The following TTC21B variants were observed in gnomAD, a reference collection of about 807,000 sequenced individuals.
The protein encoded by TTC21B is tetratricopeptide repeat protein 21B.
Under a neutral mutation model 175.1 loss-of-function variants are expected in TTC21B, and 127 were observed. The observed-to-expected ratio is 0.73, with a 90% CI of 0.63 to 0.84. The LOEUF is 0.84. Ranked by LOEUF, TTC21B falls within the 40% of genes least tolerant of loss-of-function variation. The pLI, the probability that TTC21B is intolerant of heterozygous loss-of-function variation, is 0.00. For synonymous variants in TTC21B, 524 were observed against 524.5 expected, an observed-to-expected ratio of 1.00 and a Z score of 0.01; for missense variants, 1,561 against 1,558.3, an observed-to-expected ratio of 1.00 and a Z score of -0.03.
intron 12 of TTC21B, among the ~76,000 whole-genome samples, chr2:165,922,737 C>T (rs1686463341): frequency 6.6e-6 from 1 of 152,050 alleles, no homozygotes; most frequent in South Asian, 2.1e-4. Context: ...TACTAGATAT[C>T]TACCCAAAGG....
At position 165,878,242 on chromosome 2, in the gene TTC21B, T is replaced by C. The variant is rs138668824; in HGVS notation, c.3806-2010A>G. On this transcript the variant is annotated intron_variant, in intron 27 of 28. Coordinates refer to ENST00000243344, the MANE Select transcript of TTC21B (RefSeq NM_024753.5). ...GGAAGAAACTTGATACATGACCTGG[T>C]ACAAAAATTTCAGAGGAAATAAAGA... is the stretch of plus-strand genomic sequence containing the variant. Among the ~76,000 whole-genome samples, 984 of 152,274 alleles carry C rather than the reference T, an allele frequency of 6.5e-3. 11 individuals are homozygous for C. Among genetic ancestry groups the C allele is most frequent in the African/African-American group, 0.023 (942 of 41,560 alleles).
intron 1 of TTC21B, among the ~76,000 whole-genome samples, chr2:165,953,087 C>A (rs997588125): frequency 6.6e-6 from 1 of 152,170 alleles, no homozygotes; most frequent in Non-Finnish European, 1.5e-5. Context: ...ATTCAGTGAA[C>A]AAATGAATAG....
intron 21 of TTC21B, among the ~76,000 whole-genome samples, chr2:165,899,410 A>T (rs192973564): frequency 1.2e-3 from 179 of 152,294 alleles, no homozygotes; most frequent in African/African-American, 4.0e-3. Context: ...TGTAACTCCA[A>T]AAATTCCACC....
chr2:165,904,563 CA>C (rs1321261848), intron 19 of TTC21B, among the ~76,000 whole-genome samples: 1 of 152,170 alleles, frequency 6.6e-6, no homozygotes, highest in African/African-American at 2.4e-5. Context: ...GGAATCTAGT[CA>C]AAAGGTGACT....
chr2:165,880,561 A>G, intron 27 of TTC21B, 118 bp downstream of exon 27: 1 of 1,065,694 alleles, frequency 9.4e-7, no homozygotes, highest in Non-Finnish European at 1.4e-6. Flanking sequence ...AGAAAGGTTG[A>G]CAATGAAAAT....
chr2:165,917,369 T>C lies in TTC21B; in HGVS notation c.1787A>G (p.Lys596Arg). Reference protein sequence around the residue: ...LHMAMSLPGMKRIGASTKSKD... With the variant: ...LHMAMSLPGMRRIGASTKSKD... Reference sequence around the variant, plus strand: ...TGATTTTGTGGAAGCTCCAATTCTTTTCATTCCTGGTAAACTCATTGCCAT... The same window carrying C: ...TGATTTTGTGGAAGCTCCAATTCTTCTCATTCCTGGTAAACTCATTGCCAT... Residue 596 changes from lysine (K) to arginine (R), a missense_variant, in exon 14 of 29, where the codon AAA (lysine) becomes AGA (arginine). Physicochemically the swap from Lys to Arg is conservative, Grantham distance 26. Coordinates refer to ENST00000243344, the MANE Select transcript of TTC21B (RefSeq NM_024753.5). 1 of 1,614,170 alleles carries C rather than the reference T, an allele frequency of 6.2e-7. No homozygotes were observed. Among genetic ancestry groups the C allele is most frequent in the Non-Finnish European group, 8.5e-7 (1 of 1,180,022 alleles).
chr2:165,880,327 G>A (rs1684798634), intron 27 of TTC21B, among the ~76,000 whole-genome samples: 1 of 152,166 alleles, frequency 6.6e-6, no homozygotes, highest in African/African-American at 2.4e-5. Flanking sequence ...AAAGAAACCT[G>A]TGTAATTCAA....
rs764567509 is a variant in TTC21B, at chr2:165,915,411, G to T, written c.1928C>A (p.Ala643Asp). The T allele has an allele frequency of 6.2e-7, 1 of 1,614,008 alleles. No individual in the cohort carries two copies. The highest frequency in any genetic ancestry group is 1.7e-5 in the Admixed American group (1 of 60,014). The change falls in exon 15 of 29, where the codon GCC becomes GAC. Residue 643 changes from alanine to aspartate, a missense_variant. By Grantham distance (126) the Ala-to-Asp change is moderately radical (BLOSUM62 -2). Transcript: ENST00000243344. ...AGATGTTCCAGAAAATTCATGGATG[G>T]CATCTTGTAAAACTTTGGTTGCCTC... is the stretch of plus-strand genomic sequence containing the variant. ...QHEATKVLQD[A>D]IHEFSGTSEE...
At chr2:165,888,068 T>A (rs1685067651) in intron 25 of TTC21B, among the ~76,000 whole-genome samples, 1 of 152,148 alleles carries the variant, frequency 6.6e-6, no homozygotes, top group Non-Finnish European at 1.5e-5. Flanking sequence ...AACATTCCAG[T>A]AGAGAGAAAT....
chr2:165,906,711 G>A (rs1219481921), intron 19 of TTC21B, among the ~76,000 whole-genome samples: 4 of 152,036 alleles, frequency 2.6e-5, no homozygotes, highest in African/African-American at 4.8e-5. Flanking sequence ...TTGGAAGGCC[G>A]TGGCAGGGGG....
intron 7 of TTC21B, 46 bp downstream of exon 7, chr2:165,932,927 A>T: frequency 6.6e-7 from 1 of 1,513,594 alleles, no homozygotes; most frequent in African/African-American, 1.4e-5. Flanking sequence ...GTGTAATGAA[A>T]TATATTTTTT....
chr2:165,913,812 C>T (rs1686046223), intron 15 of TTC21B, among the ~76,000 whole-genome samples, 166 bp from the exon 16 acceptor site: 1 of 152,172 alleles, frequency 6.6e-6, no homozygotes, highest in South Asian at 2.1e-4. Flanking sequence ...CATACCCACA[C>T]CCAAATTGTT....
At chr2:165,926,068 C>T (rs368592296) in intron 11 of TTC21B, among the ~76,000 whole-genome samples, 13 of 152,106 alleles carry the variant, frequency 8.5e-5, no homozygotes, top group Admixed American at 7.9e-4. Flanking sequence ...GTCTATAAAA[C>T]GGTCAAAGAA....
Position 165,874,765 on chromosome 2 carries a change from A to C in TTC21B, c.3941T>G (p.Leu1314Ter). ...AAGTTAAAATTATTTTCAAGGTCTT[A>C]AAGACGCACGGGCCTTATCAAGTAT... ...KDILDKARAS[L>*]RP Residue 1314 changes from leucine to a stop codon, truncating the protein, a stop_gained, in exon 29 of 29, where the codon TTA becomes TGA. Transcript: ENST00000243344. LOFTEE classifies it high-confidence loss of function. 6.2e-7 allele frequency: 1 copy of C among 1,613,556 alleles called. No individual in the cohort carries two copies. Among genetic ancestry groups the C allele is most frequent in the Non-Finnish European group, 8.5e-7 (1 of 1,179,614 alleles).
intron 12 of TTC21B, among the ~76,000 whole-genome samples, chr2:165,923,377 A>C (rs1686492422): frequency 6.6e-6 from 1 of 152,102 alleles, no homozygotes; most frequent in African/African-American, 2.4e-5. Flanking sequence ...CAGTTTTACA[A>C]ACGTTATTTA....
intron 27 of TTC21B, among the ~76,000 whole-genome samples, chr2:165,878,451 G>A (rs1241096206): frequency 6.6e-6 from 1 of 152,022 alleles, no homozygotes; most frequent in Non-Finnish European, 1.5e-5. Flanking sequence ...TTCTCTCATT[G>A]GATCTCAGTT....
At chr2:165,891,987 GTTTTGAT>G (rs1685211441) in intron 22 of TTC21B, among the ~76,000 whole-genome samples, 1 of 152,002 alleles carries the variant, frequency 6.6e-6, no homozygotes, top group Non-Finnish European at 1.5e-5. Context: ...ATTTTGATCG[GTTTTGAT>G]TGGTTTTAAT....
intron 19 of TTC21B, among the ~76,000 whole-genome samples, chr2:165,905,431 T>C (rs888702398): frequency 9.2e-5 from 14 of 151,950 alleles, no homozygotes; most frequent in Admixed American, 9.2e-4. Context: ...TAAGGACACG[T>C]AAAATTGAAA....
intron 12 of TTC21B, among the ~76,000 whole-genome samples, chr2:165,919,818 G>C (rs1452312436): frequency 1.3e-5 from 2 of 152,128 alleles, no homozygotes; most frequent in African/African-American, 4.8e-5. Context: ...GAATTTTGTT[G>C]TGTCACTTAT....
Sources: gnomAD v4.1 joint callset for allele counts (sites outside exome capture counted in the v4.1 genomes callset) on GRCh38, gnomAD v4.1.1 for gene constraint, MANE v1.5 for transcripts, NCBI Gene and HGNC (gene_info 2026-07-23, HGNC 2026-07-21) for gene names.